The following PCDHGC5 variants were observed in gnomAD, a reference collection of about 807,000 sequenced individuals.
PCDHGC5 encodes the protein protocadherin gamma subfamily C, 5.
Under a neutral mutation model 59.0 loss-of-function variants are expected in PCDHGC5, and 25 were observed. That is an observed-to-expected ratio of 0.42 (90% CI 0.31 to 0.59). The LOEUF (loss-of-function observed/expected upper bound fraction) is 0.59, where lower values mean the gene tolerates loss of function less well. PCDHGC5 is among the 20% of genes least tolerant of loss of function. The probability of loss-of-function intolerance (pLI) is 0.13; values close to 1 mark genes in which losing one functional copy is unlikely to be tolerated. For missense variants in PCDHGC5, 1,067 were observed against 1,206.4 expected, an observed-to-expected ratio of 0.88 and a Z score of 1.71; for synonymous variants, 434 against 505.5, an observed-to-expected ratio of 0.86 and a Z score of 1.90.
chr5:141,494,801 C>T lies in PCDHGC5; in HGVS notation c.2461-6C>T, dbSNP rs2099757031. ...CTCAGCCCCTTTCCCTCTGTTTTCTCCACAGCAAGCCCCGCCCAACACGGA... is the reference window on the plus strand; with the variant it reads ...CTCAGCCCCTTTCCCTCTGTTTTCTTCACAGCAAGCCCCGCCCAACACGGA... On this transcript the variant is annotated splice_polypyrimidine_tract_variant and splice_region_variant and intron_variant, in intron 1 of 3. Transcript: ENST00000252087. The T allele has an allele frequency of 6.2e-7, 1 of 1,614,146 alleles. No individual in the cohort carries two copies. The highest frequency in any genetic ancestry group is 2.2e-5 in the East Asian group (1 of 44,880).
intron 1 of PCDHGC5, among the ~76,000 whole-genome samples, chr5:141,494,218 T>C (rs1224329242): frequency 1.3e-5 from 2 of 152,222 alleles, no homozygotes; most frequent in South Asian, 2.1e-4. Context: ...CAATCTGGCA[T>C]GACTCCTAAA....
At chr5:141,504,452 T>C (rs1208972630) in intron 2 of PCDHGC5, among the ~76,000 whole-genome samples, 1 of 152,060 alleles carries the variant, frequency 6.6e-6, no homozygotes, top group Non-Finnish European at 1.5e-5. Flanking sequence ...TAGTGCCATG[T>C]GGGGCAGCCG....
chr5:141,500,186 T>A (rs1008615587), intron 2 of PCDHGC5, among the ~76,000 whole-genome samples: 7 of 99,362 alleles, frequency 7.0e-5, no homozygotes, highest in African/African-American at 3.5e-4. Flanking sequence ...ATTTTTATTT[T>A]TATTTATTTA....
rs374229757 is a variant in PCDHGC5, at chr5:141,491,437, C to T, written c.2197C>T (p.Arg733Cys). 4 of 1,613,978 alleles carry T rather than the reference C, an allele frequency of 2.5e-6. No homozygotes were observed. Among genetic ancestry groups the T allele is most frequent in the Admixed American group, 3.3e-5 (2 of 60,004 alleles). ...CGGGGGTGGAGGGCAGTGCTGCAGG[C>T]GCCAGGACTCACCCTCCCCGGACTT... ...GDGGGGQCCRRQDSPSPDFYK... is the reference protein window; with the variant it reads ...GDGGGGQCCRCQDSPSPDFYK... Residue 733 changes from arginine (R) to cysteine (C), a missense_variant, in exon 1 of 4, where the codon CGC becomes TGC. Physicochemically the swap from Arg to Cys is radical, Grantham distance 180. Coordinates refer to ENST00000252087, the MANE Select transcript of PCDHGC5 (RefSeq NM_018929.3). This position sits in a 1 kb window ranked among gnomAD's most constrained non-coding sequence, Gnocchi z 6.9.
chr5:141,503,304 A>G (rs946582779), intron 2 of PCDHGC5, among the ~76,000 whole-genome samples: 1 of 152,150 alleles, frequency 6.6e-6, no homozygotes, highest in African/African-American at 2.4e-5. Flanking sequence ...ATTGCTCAAG[A>G]AAGAATTGTT....
chr5:141,491,322 C>T lies in PCDHGC5; in HGVS notation c.2082C>T (p.Leu694=). 6.2e-7 allele frequency: 1 copy of T among 1,614,156 alleles called. No individual in the cohort carries two copies. Among genetic ancestry groups the T allele is most frequent in the East Asian group, 2.2e-5 (1 of 44,860 alleles). The change falls in exon 1 of 4, where the codon CTC becomes CTT. Residue 694 remains leucine, a synonymous_variant. Coordinates refer to ENST00000252087, the MANE Select transcript of PCDHGC5 (RefSeq NM_018929.3). This position sits in a 1 kb window ranked among gnomAD's most constrained non-coding sequence, Gnocchi z 6.9. ...PPERSDLTLY[L]IVALATVSLL... ...AGCGTTCAGACCTTACCCTTTACCT[C>T]ATTGTGGCTCTAGCGACCGTCAGTC...
At chr5:141,510,450 T>G (rs1273211856) in intron 3 of PCDHGC5, among the ~76,000 whole-genome samples, 1 of 151,946 alleles carries the variant, frequency 6.6e-6, no homozygotes, top group Non-Finnish European at 1.5e-5. Flanking sequence ...CAGGAGCCCA[T>G]GGTCTAGTGT....
intron 2 of PCDHGC5, among the ~76,000 whole-genome samples, chr5:141,497,212 G>A (rs968445663): frequency 6.6e-6 from 1 of 150,900 alleles, no homozygotes; most frequent in Non-Finnish European, 1.5e-5. Flanking sequence ...AGTGTAATGG[G>A]GGGGGGAAGA....
At chr5:141,501,308 C>T (rs1220463692) in intron 2 of PCDHGC5, among the ~76,000 whole-genome samples, 2 of 151,492 alleles carry the variant, frequency 1.3e-5, no homozygotes, top group African/African-American at 2.4e-5. Context: ...CACACACACA[C>T]ACACACACAC....
Position 141,502,395 on chromosome 5 carries a change from G to A in PCDHGC5, c.2520-2998G>A, listed in dbSNP as rs115188718. The stretch of plus-strand genomic sequence containing the variant: ...GTCCAGGCCAGTTGTACTTTAAAAT[G>A]TCCCCGAACCTGGATTTGCTGGCTA... On this transcript the variant is annotated intron_variant, in intron 2 of 3. Transcript: ENST00000252087. Among the ~76,000 whole-genome samples, 610 of 151,894 alleles carry A rather than the reference G, an allele frequency of 4.0e-3. 3 individuals carry two copies. Among genetic ancestry groups the A allele is most frequent in the African/African-American group, 0.013 (553 of 41,410 alleles).
chr5:141,495,005 C>A, intron 2 of PCDHGC5, 140 bp downstream of exon 2: 1 of 1,522,810 alleles, frequency 6.6e-7, no homozygotes. Context: ...TCTTGGTGTG[C>A]GGGGGGCTGG....
intron 2 of PCDHGC5, among the ~76,000 whole-genome samples, chr5:141,503,954 C>T (rs2099834393): frequency 6.6e-6 from 1 of 152,186 alleles, no homozygotes; most frequent in Non-Finnish European, 1.5e-5. Flanking sequence ...GCCTACCCTA[C>T]AGCCTTTCCC....
At chr5:141,501,313 ACAC>A (rs2099807743) in intron 2 of PCDHGC5, among the ~76,000 whole-genome samples, 1 of 151,686 alleles carries the variant, frequency 6.6e-6, no homozygotes, top group Non-Finnish European at 1.5e-5. Context: ...ACACACACAC[ACAC>A]ACACACACAC....
Position 141,489,978 on chromosome 5 carries a change from T to C in PCDHGC5, c.738T>C (p.Val246=). 6.2e-7 allele frequency: 1 copy of C among 1,614,192 alleles called. No homozygotes were observed. Among genetic ancestry groups the C allele is most frequent in the Non-Finnish European group, 8.5e-7 (1 of 1,180,012 alleles). The change falls in exon 1 of 4, where the codon GTT becomes GTC. Residue 246 remains valine, a synonymous_variant. Coordinates refer to ENST00000252087, the MANE Select transcript of PCDHGC5 (RefSeq NM_018929.3). The surrounding 1 kb of genome is among the most constrained non-coding windows in gnomAD (Gnocchi z 4.5). ...ATGCTCCAACCTTCCAATCCTCAGT[T>C]CTACGTGTGGGAATCCCAGAGAATG... ...NDNAPTFQSS[V]LRVGIPENAP...
At chr5:141,497,092 G>C (rs2099773958) in intron 2 of PCDHGC5, among the ~76,000 whole-genome samples, 1 of 152,092 alleles carries the variant, frequency 6.6e-6, no homozygotes, top group Admixed American at 6.5e-5. Flanking sequence ...AGGAGGCTGA[G>C]GCAGAACTGC....
At chr5:141,509,872 G>A (rs968745661) in intron 3 of PCDHGC5, among the ~76,000 whole-genome samples, 1 of 152,166 alleles carries the variant, frequency 6.6e-6, no homozygotes, top group Non-Finnish European at 1.5e-5. Context: ...CCAAGCTGCT[G>A]GTGGTGATGG....
Position 141,505,475 on chromosome 5 carries a change from G to A in PCDHGC5, c.2602G>A (p.Ala868Thr), listed in dbSNP as rs769108315. The A allele has an allele frequency of 2.2e-5, 35 of 1,614,098 alleles. No homozygotes were observed. Among genetic ancestry groups the A allele is most frequent in the South Asian group, 5.5e-5 (5 of 91,090 alleles). ...GCTGCAAGCCATGATCTTGGCGTCC[G>A]CCAGTGGTAAGTGGTGTCAGTGTGT... ...EMLQAMILAS[A>T]SEAADGSSTL... The change falls in exon 3 of 4, where the codon GCC becomes ACC. Residue 868 changes from alanine to threonine, a missense_variant. Physicochemically the swap from Ala to Thr is moderately conservative, Grantham distance 58. Transcript: ENST00000252087.
intron 3 of PCDHGC5, among the ~76,000 whole-genome samples, chr5:141,506,320 G>A (rs1054880362): frequency 8.6e-5 from 13 of 151,966 alleles, no homozygotes; most frequent in South Asian, 8.3e-4. Flanking sequence ...ATGGTGGTGC[G>A]TGCCTGTAGT....
intron 3 of PCDHGC5, among the ~76,000 whole-genome samples, chr5:141,506,444 CA>C (rs1219684339): frequency 0.54 from 51,660 of 95,006 alleles, 10,715 homozygotes; most frequent in African/African-American, 0.61. Context: ...CGCTCTGTCT[CA>C]AAAAAAAAAA....
Sources: allele counts gnomAD v4.1 joint callset (sites outside exome capture counted in the v4.1 genomes callset), GRCh38; gene constraint gnomAD v4.1.1; non-coding constraint Gnocchi (gnomAD v3.1); transcripts MANE v1.5; gene names NCBI Gene and HGNC (gene_info 2026-07-23, HGNC 2026-07-21).